ANKRD28: variants seen among roughly 807,000 people sequenced by gnomAD.
The protein encoded by ANKRD28 is serine/threonine-protein phosphatase 6 regulatory ankyrin repeat subunit A.
A neutral mutation model predicts 126.5 loss-of-function variants in ANKRD28; 44 were observed. The observed-to-expected ratio is 0.35, with a 90% CI of 0.27 to 0.45. The LOEUF (loss-of-function observed/expected upper bound fraction) is 0.45. ANKRD28 is among the 20% of genes least tolerant of loss of function. ANKRD28 has a pLI of 1.00. For missense variants in ANKRD28, 1,110 were observed against 1,316.6 expected (o/e 0.84, Z 2.43); for synonymous variants, 442 against 468.5 (o/e 0.94, Z 0.73).
chr3:15,708,085 C>A (rs1392755083), intron 13 of ANKRD28, 21 bp from the exon 14 acceptor site: 2 of 1,583,676 alleles, frequency 1.3e-6, no homozygotes, highest in South Asian at 2.3e-5. Flanking sequence ...CAAGTTAATA[C>A]AAGAAAGATA....
chr3:15,748,366 A>C (rs1460537443), intron 4 of ANKRD28, among the ~76,000 whole-genome samples: 1 of 152,176 alleles, frequency 6.6e-6, no homozygotes, highest in Non-Finnish European at 1.5e-5. Flanking sequence ...TCCTTTTAGC[A>C]GTTCTTGTAG....
rs148831505 is a variant in ANKRD28 at position 15,697,095 on chromosome 3, T to C, written c.1548-850A>G. Reference sequence around the variant, plus strand: ...AAGAAAATGTGGTATATATACACCATGGAATACTATTCAGACATAGAAAGG... The same window carrying C: ...AAGAAAATGTGGTATATATACACCACGGAATACTATTCAGACATAGAAAGG... On this transcript the variant is annotated intron_variant, in intron 14 of 27. Coordinates refer to ENST00000683139, the MANE Select transcript of ANKRD28 (RefSeq NM_001349278.2). Among the ~76,000 whole-genome samples, 38 of 152,324 alleles carry C rather than the reference T, an allele frequency of 2.5e-4. No homozygotes were observed. The South Asian group carries it at 4.8e-3, about 19-fold the overall frequency.
At chr3:15,757,529 G>A (rs1463978562) in intron 3 of ANKRD28, among the ~76,000 whole-genome samples, 1 of 152,134 alleles carries the variant, frequency 6.6e-6, no homozygotes, top group Non-Finnish European at 1.5e-5. Flanking sequence ...CAATGTCATG[G>A]TATTAGGAGG....
At position 15,846,294 on chromosome 3, in the gene ANKRD28, G is replaced by A. The variant is rs1306345167; in HGVS notation, c.27+13083C>T. On this transcript the variant is annotated intron_variant, in intron 1 of 27. Transcript: ENST00000399451. The surrounding 1 kb of genome is among the most constrained non-coding windows in gnomAD (Gnocchi z 5.4). ...CACTGGCCAAAACAAAGAGGCTACT[G>A]GCCCCATGCAAGTCTGAAACCCAGC... Among the ~76,000 whole-genome samples the A allele has an allele frequency of 2.6e-5, 4 of 152,192 alleles. No homozygotes were observed.
chr3:15,687,104 G>A (rs180855948), intron 18 of ANKRD28, among the ~76,000 whole-genome samples: 199 of 151,624 alleles, frequency 1.3e-3, no homozygotes, highest in African/African-American at 2.2e-3. Context: ...CACCACACCC[G>A]GCGATTTTTT....
At chr3:15,685,567 A>T in intron 20 of ANKRD28, 122 bp from the exon 21 acceptor site, 1 of 855,320 alleles carries the variant, frequency 1.2e-6, no homozygotes, top group Non-Finnish European at 1.8e-6. Context: ...AAAGCCATTT[A>T]TCATTTTATG....
In ANKRD28 at chr3:15,796,546, C is replaced by T. The variant is rs2125827840; in HGVS notation, c.-25G>A. 1 of 1,268,000 alleles carries T rather than the reference C, an allele frequency of 7.9e-7. No homozygotes were observed. The allele number at this position is 1,268,000 out of a possible 1,614,324, so 78.5% of individuals were successfully genotyped here. ...TTCGATCTTTTAAAACACTAAATTC[C>T]AAGCTATGTGATAAAAGTCACAGTT... On this transcript the variant is annotated 5_prime_UTR_variant, in exon 1 of 28. The change creates a premature stop within an existing upstream ORF in the 5' untranslated region. Transcript: ENST00000683139.
chr3:15,714,524 A>T (rs1252572562), intron 9 of ANKRD28, 54 bp downstream of exon 9: 8 of 1,250,540 alleles, frequency 6.4e-6, no homozygotes, highest in Non-Finnish European at 8.7e-6. Flanking sequence ...TGTTTTTACT[A>T]CATTTAAGAA....
chr3:15,669,251 C>G lies in ANKRD28; in HGVS notation c.*1019G>C, dbSNP rs1343333319. 6.6e-6 allele frequency: 1 copy of G among 152,082 alleles called. No homozygotes were observed. Among genetic ancestry groups the G allele is most frequent in the Non-Finnish European group, 1.5e-5 (1 of 67,998 alleles). 9.4% of individuals were successfully genotyped at this position (152,082 alleles called of 1,614,324 possible). ...ATTCACTTTTTCAAAACTCATAGAT[C>G]AGAATAAACAAAAAATCCCCCAACC... is the stretch of plus-strand genomic sequence containing the variant. On this transcript the variant is annotated 3_prime_UTR_variant, in exon 28 of 28. Transcript: ENST00000683139.
chr3:15,821,887 C>A (rs1188853700), intron 1 of ANKRD28, among the ~76,000 whole-genome samples: 1 of 152,134 alleles, frequency 6.6e-6, no homozygotes, highest in Non-Finnish European at 1.5e-5. Context: ...TGTCTTTGTT[C>A]CACCATGCTT....
Position 15,839,590 on chromosome 3 carries a change from A to T in ANKRD28, c.27+19787T>A, listed in dbSNP as rs1448397336. ...TACATGAACCAGACAAAGACACATT[A>T]AAAAAAAAGAAAACGATAGGCCAAT... On this transcript the variant is annotated intron_variant, in intron 1 of 27. Coordinates refer to the ANKRD28 transcript ENST00000399451. The surrounding 1 kb of genome is among the most constrained non-coding windows in gnomAD (Gnocchi z 4.3). Among the ~76,000 whole-genome samples the T allele has an allele frequency of 2.6e-5, 4 of 151,214 alleles. No individual in the cohort carries two copies. Among genetic ancestry groups the T allele is most frequent in the African/African-American group, 7.3e-5 (3 of 41,176 alleles).
intron 2 of ANKRD28, among the ~76,000 whole-genome samples, chr3:15,771,404 T>G (rs2058998044): frequency 8.7e-6 from 1 of 114,468 alleles, no homozygotes; most frequent in South Asian, 2.9e-4. Context: ...AGCAAAACTC[T>G]GTCTCAAAAA....
chr3:15,678,501 T>C, intron 23 of ANKRD28, 147 bp from the exon 24 acceptor site: 1 of 583,878 alleles, frequency 1.7e-6, no homozygotes, highest in East Asian at 3.2e-5. Flanking sequence ...ATAGGCTCAA[T>C]GGAGCTTACT....
intron 9 of ANKRD28, among the ~76,000 whole-genome samples, chr3:15,714,048 T>C (rs760808912): frequency 1.8e-4 from 27 of 152,184 alleles, no homozygotes; most frequent in Non-Finnish European, 2.4e-4. Flanking sequence ...TGCAAAACCA[T>C]AGCACCTATT....
rs1039287414 is a variant in ANKRD28 at position 15,812,586 on chromosome 3, G to A, written c.28-17280C>T. Among the ~76,000 whole-genome samples the A allele has an allele frequency of 1.2e-4, 19 of 152,232 alleles. No homozygotes were observed. Among genetic ancestry groups the A allele is most frequent in the South Asian group, 2.1e-4 (1 of 4,816 alleles). ...TTTTACTATATTAAGTTGGCATTTC[G>A]TTGTTGTTTTTCTGTCTTGCTTACC... is the stretch of plus-strand genomic sequence containing the variant. On this transcript the variant is annotated intron_variant, in intron 1 of 27. Transcript: ENST00000399451. The surrounding 1 kb of genome is among the most constrained non-coding windows in gnomAD (Gnocchi z 4.1).
chr3:15,702,248 T>C (rs2070728135), intron 14 of ANKRD28, among the ~76,000 whole-genome samples: 3 of 152,218 alleles, frequency 2.0e-5, no homozygotes, highest in Non-Finnish European at 2.9e-5. Context: ...CACAAAGCTT[T>C]AGAACAGTGG....
chr3:15,808,713 C>T (rs1053465776), intron 1 of ANKRD28, among the ~76,000 whole-genome samples: 1 of 152,090 alleles, frequency 6.6e-6, no homozygotes, highest in African/African-American at 2.4e-5. Context: ...TTTATTTTGG[C>T]CTATAGAAAG....
rs530255942 is a variant in ANKRD28, at chr3:15,723,457, G to C, written c.783+925C>G. 3.3e-5 allele frequency among the ~76,000 whole-genome samples: 5 copies of C among 152,316 alleles called. No individual in the cohort carries two copies. In the South Asian group the frequency reaches 1.0e-3, roughly 32 times the overall value. ...AGTTCTTCAAAATGTGTGTTTTGAA[G>C]AATCAGTGACTTTGTCAGAACTCTC... On this transcript the variant is annotated intron_variant, in intron 7 of 27. Transcript: ENST00000683139.
chr3:15,856,273 T>C (rs1489238852), intron 1 of ANKRD28, among the ~76,000 whole-genome samples: 1 of 152,226 alleles, frequency 6.6e-6, no homozygotes, highest in Non-Finnish European at 1.5e-5. Flanking sequence ...AACATACTTG[T>C]TGTTCTTATT....
Sources: allele counts gnomAD v4.1 joint callset (sites outside exome capture counted in the v4.1 genomes callset), GRCh38; gene constraint gnomAD v4.1.1; non-coding constraint Gnocchi (gnomAD v3.1); transcripts MANE v1.5; gene names NCBI Gene and HGNC (gene_info 2026-07-23, HGNC 2026-07-21).